Variants in LOXHD1 observed in about 807,000 individuals in gnomAD.
The protein encoded by LOXHD1 is lipoxygenase homology PLAT domains 1, also known as lipoxygenase homology domain-containing protein 1.
In LOXHD1, 205 loss-of-function variants were observed where a neutral mutation model predicts 248.2. That is an observed-to-expected ratio of 0.83 (90% CI 0.74 to 0.93). The LOEUF (loss-of-function observed/expected upper bound fraction) is 0.93. LOXHD1 is among the 40% of genes least tolerant of loss of function. The pLI is 0.00. For missense variants in LOXHD1, 2,930 were observed against 2,971.6 expected (o/e 0.99, Z 0.33); for synonymous variants, 1,113 against 1,162.8 (o/e 0.96, Z 0.87).
At chr18:46,594,704 C>T (rs796137505) in intron 8 of LOXHD1, among the ~76,000 whole-genome samples, 11 of 152,332 alleles carry the variant, frequency 7.2e-5, no homozygotes, top group African/African-American at 2.6e-4. Flanking sequence ...CAAACTTTTC[C>T]TCTATACACA....
chr18:46,603,635 C>A (rs1329121148), intron 7 of LOXHD1, among the ~76,000 whole-genome samples: 1 of 152,108 alleles, frequency 6.6e-6, no homozygotes, highest in Non-Finnish European at 1.5e-5. Context: ...AGCTGTGTGC[C>A]CTTGGACAAG....
chr18:46,508,932 TCTC>T (rs1199328924), intron 35 of LOXHD1, among the ~76,000 whole-genome samples: 2 of 151,934 alleles, frequency 1.3e-5, no homozygotes, highest in Non-Finnish European at 2.9e-5. Flanking sequence ...TGTTAATGAC[TCTC>T]CTCTGGGCAG....
chr18:46,511,157 T>A (rs2034936216), intron 34 of LOXHD1, among the ~76,000 whole-genome samples: 1 of 152,142 alleles, frequency 6.6e-6, no homozygotes, highest in East Asian at 1.9e-4. Context: ...GAGATTACAT[T>A]TACCCCCTCA....
At chr18:46,600,978 G>T (rs1437540634) in intron 8 of LOXHD1, among the ~76,000 whole-genome samples, 1 of 152,242 alleles carries the variant, frequency 6.6e-6, no homozygotes, top group Admixed American at 6.5e-5. Flanking sequence ...CCAACTGAGC[G>T]CCTCTGGGTA....
intron 4 of LOXHD1, among the ~76,000 whole-genome samples, chr18:46,632,207 T>TGTCTCAAA (rs1320934671): frequency 2.0e-5 from 3 of 152,196 alleles, no homozygotes; most frequent in African/African-American, 7.2e-5. Flanking sequence ...GGAAGTATTT[T>TGTCTCAAA]GTCTCAAAGT....
chr18:46,551,378 T>C (rs959794173), intron 21 of LOXHD1, among the ~76,000 whole-genome samples: 3 of 152,058 alleles, frequency 2.0e-5, no homozygotes, highest in African/African-American at 4.8e-5. Context: ...GCTGGGATTA[T>C]AGGCATGAGC....
chr18:46,554,480 T>C (rs1385355342), intron 21 of LOXHD1, among the ~76,000 whole-genome samples: 2 of 152,220 alleles, frequency 1.3e-5, no homozygotes, highest in Non-Finnish European at 2.9e-5. Context: ...ATTCGGTTTC[T>C]TCTGAACTTC....
chr18:46,538,272 A>C lies in LOXHD1; in HGVS notation c.3979T>G (p.Phe1327Val). The change falls in exon 26 of 41, where the codon TTC (phenylalanine) becomes GTC (valine). Residue 1327 changes from phenylalanine to valine, a missense_variant. Physicochemically the swap from Phe to Val is conservative, Grantham distance 50. Transcript: ENST00000642948. ...GCATCGCAGCCATAGATGATGATGAAGATGTTGGCATCTGTCCCAGCAGCA... is the reference window on the plus strand; with the variant it reads ...GCATCGCAGCCATAGATGATGATGACGATGTTGGCATCTGTCCCAGCAGCA... ...VFAAGTDANI[F>V]IIIYGCDAVC... is the part of the protein sequence containing the mutation. 1 of 1,551,514 alleles carries C rather than the reference A, an allele frequency of 6.4e-7. No individual in the cohort carries two copies. The highest frequency in any genetic ancestry group is 1.2e-5 in the South Asian group (1 of 84,042).
chr18:46,566,697 C>T (rs888953982), intron 16 of LOXHD1, among the ~76,000 whole-genome samples: 9 of 152,146 alleles, frequency 5.9e-5, no homozygotes, highest in African/African-American at 2.2e-4. Flanking sequence ...CTCCCAGGGC[C>T]ATAGTGAGAA....
At chr18:46,549,886 T>C (rs1035056570) in intron 21 of LOXHD1, among the ~76,000 whole-genome samples, 3 of 152,188 alleles carry the variant, frequency 2.0e-5, no homozygotes, top group African/African-American at 7.2e-5. Context: ...AAATATCACA[T>C]CAAATGTGGA....
At chr18:46,511,740 C>T (rs867344798) in intron 34 of LOXHD1, among the ~76,000 whole-genome samples, 2 of 152,190 alleles carry the variant, frequency 1.3e-5, no homozygotes, top group African/African-American at 2.4e-5. Context: ...GGGTCTAAAG[C>T]CCACCACGCT....
chr18:46,645,217 G>A (rs1019414228), intron 2 of LOXHD1, among the ~76,000 whole-genome samples: 1 of 152,218 alleles, frequency 6.6e-6, no homozygotes, highest in Non-Finnish European at 1.5e-5. Flanking sequence ...AAATAGAAAG[G>A]AGAGAGGGTT....
chr18:46,572,005 G>A, intron 15 of LOXHD1, 81 bp downstream of exon 15: 2 of 1,254,240 alleles, frequency 1.6e-6, no homozygotes, highest in East Asian at 2.6e-5. Flanking sequence ...AAGTGCTCGT[G>A]TTTTCTTGAA....
At chr18:46,610,993 T>A in intron 5 of LOXHD1, 69 bp from the exon 6 acceptor site, 1 of 1,522,766 alleles carries the variant, frequency 6.6e-7, no homozygotes, top group Non-Finnish European at 8.8e-7. Flanking sequence ...GCCTTCATGG[T>A]CCGCCCACTG....
chr18:46,484,755 T>C (rs1038243338), intron 39 of LOXHD1, among the ~76,000 whole-genome samples: 4 of 152,112 alleles, frequency 2.6e-5, no homozygotes, highest in Admixed American at 1.3e-4. Context: ...CTTGTCTACG[T>C]AGATGTGGGG....
chr18:46,621,838 T>C (rs1471169529), intron 4 of LOXHD1, among the ~76,000 whole-genome samples: 1 of 152,206 alleles, frequency 6.6e-6, no homozygotes, highest in East Asian at 1.9e-4. Context: ...AGGTCACCTT[T>C]CATCTCTGAA....
At chr18:46,639,490 A>AAGGTT in intron 4 of LOXHD1, 126 bp downstream of exon 4, 1 of 1,151,742 alleles carries the variant, frequency 8.7e-7, no homozygotes, top group Non-Finnish European at 1.2e-6. Flanking sequence ...AACCAACAGG[A>AAGGTT]AGGCCCTGGA....
rs1051942429 is a variant in LOXHD1, at chr18:46,507,595, C to T, written c.5635G>A (p.Glu1879Lys). 3 of 1,551,632 alleles carry T rather than the reference C, an allele frequency of 1.9e-6. No homozygotes were observed. The highest frequency in any genetic ancestry group is 1.7e-6 in the Non-Finnish European group (2 of 1,147,006). Residue 1879 changes from glutamate (E) to lysine (K), a missense_variant, in exon 36 of 41, where the codon GAA becomes AAA. Transcript: ENST00000642948. ...TAGGAGGTCCACTCCATCATTTCTT[C>T]CTCATCGATAACGGCACACATTTCA... is the stretch of plus-strand genomic sequence containing the variant. ...VCEMCAVIDE[E>K]EMMEWTSYTV... is the part of the protein sequence containing the mutation.
intron 12 of LOXHD1, among the ~76,000 whole-genome samples, chr18:46,588,527 A>T (rs2038105192): frequency 6.6e-6 from 1 of 152,186 alleles, no homozygotes; most frequent in South Asian, 2.1e-4. Context: ...CTTCCTTGCC[A>T]TCTCCTCCAC....
Sources: gnomAD v4.1 joint callset for allele counts (sites outside exome capture counted in the v4.1 genomes callset) on GRCh38, gnomAD v4.1.1 for gene constraint, MANE v1.5 for transcripts, NCBI Gene and HGNC (gene_info 2026-07-23, HGNC 2026-07-21) for gene names.